Variants in PSMD14 observed in about 807,000 individuals in gnomAD.
The protein encoded by PSMD14 is ubiquitin C-terminal hydrolase PSMD14.
In PSMD14, 7 loss-of-function variants were observed where a neutral mutation model predicts 41.2. The ratio of observed to expected loss-of-function variants is 0.17; its 90% CI spans 0.10 to 0.32. The LOEUF (loss-of-function observed/expected upper bound fraction) is 0.32. Ranked by LOEUF, PSMD14 falls within the 10% of genes least tolerant of loss-of-function variation. PSMD14 has a pLI of 1.00. For missense variants in PSMD14, 139 were observed against 375.6 expected (o/e 0.37, Z 5.21); for synonymous variants, 114 against 122.3 (o/e 0.93, Z 0.45).
chr2:161,318,983 T>G, intron 3 of PSMD14, 110 bp downstream of exon 3: 6 of 783,144 alleles, frequency 7.7e-6, no homozygotes, highest in South Asian at 1.9e-5. Flanking sequence ...CAGATAACTC[T>G]ATGGTAAGAA....
At chr2:161,384,308 A>G (rs1683606922) in intron 7 of PSMD14, 1 of 151,652 alleles carries the variant, frequency 6.6e-6, no homozygotes, top group Non-Finnish European at 1.5e-5. Context: ...CATCATAGCA[A>G]TCTTTTACAA....
At chr2:161,368,363 C>G (rs766488475) in intron 5 of PSMD14, among the ~76,000 whole-genome samples, 5 of 151,940 alleles carry the variant, frequency 3.3e-5, no homozygotes, top group Non-Finnish European at 7.4e-5. Flanking sequence ...TTAAGCTTTT[C>G]TTATTTAAAA....
intron 8 of PSMD14, 49 bp downstream of exon 8, chr2:161,385,620 G>T: frequency 8.4e-7 from 1 of 1,185,460 alleles, no homozygotes. Flanking sequence ...AATTTTAAAA[G>T]CCTGCTATAA....
intron 4 of PSMD14, 114 bp from the exon 5 acceptor site, chr2:161,367,670 T>C (rs1683377623): frequency 1.5e-6 from 2 of 1,346,434 alleles, no homozygotes; most frequent in Non-Finnish European, 9.7e-7. Flanking sequence ...TTTAGGTACA[T>C]TTATAAAAGG....
intron 1 of PSMD14, among the ~76,000 whole-genome samples, chr2:161,314,417 A>G (rs965301421): frequency 2.6e-5 from 4 of 152,228 alleles, no homozygotes; most frequent in African/African-American, 9.6e-5. Context: ...AAAACTAACC[A>G]TTTTAAAGTG....
chr2:161,335,373 C>T (rs552397650), intron 3 of PSMD14, among the ~76,000 whole-genome samples: 35 of 152,152 alleles, frequency 2.3e-4, no homozygotes, highest in Non-Finnish European at 3.5e-4. Context: ...ATAGTGCTAC[C>T]GAGTCCTTGA....
chr2:161,376,072 A>T (rs1484758578), intron 7 of PSMD14, among the ~76,000 whole-genome samples: 2 of 150,038 alleles, frequency 1.3e-5, no homozygotes, highest in African/African-American at 4.9e-5. Context: ...TCTTCTTTTG[A>T]GCTTCTTATT....
intron 10 of PSMD14, among the ~76,000 whole-genome samples, chr2:161,401,984 T>A (rs529585102): frequency 3.9e-5 from 6 of 152,332 alleles, no homozygotes; most frequent in Admixed American, 1.3e-4. Context: ...TTGTGATATA[T>A]GTGAAGTATC....
At chr2:161,360,778 C>T (rs190654032) in intron 3 of PSMD14, among the ~76,000 whole-genome samples, 13 of 152,216 alleles carry the variant, frequency 8.5e-5, no homozygotes, top group African/African-American at 1.9e-4. Flanking sequence ...CCTCATGATC[C>T]GCCTGCCTTG....
chr2:161,397,263 A>C (rs1683813438), intron 10 of PSMD14, among the ~76,000 whole-genome samples: 1 of 152,208 alleles, frequency 6.6e-6, no homozygotes, highest in Non-Finnish European at 1.5e-5. Context: ...GCTTGCTACT[A>C]CCCAAACAAA....
rs192607889 is a variant in PSMD14, at chr2:161,372,975, A to G, written c.462+1653A>G. Among the ~76,000 whole-genome samples the G allele has an allele frequency of 3.8e-3, 585 of 152,024 alleles. 4 individuals carry two copies. Among genetic ancestry groups the G allele is most frequent in the Non-Finnish European group, 6.2e-3 (418 of 67,824 alleles). ...TACTTTGAAAAAGGAAAGTATAAAC[A>G]TAAACACAATGAAAGAATGCATTCT... is the stretch of plus-strand genomic sequence containing the variant. On this transcript the variant is annotated intron_variant, in intron 7 of 11. Coordinates refer to ENST00000409682, the MANE Select transcript of PSMD14 (RefSeq NM_005805.6).
intron 3 of PSMD14, among the ~76,000 whole-genome samples, chr2:161,345,768 T>A (rs1224019414): frequency 6.6e-6 from 1 of 152,170 alleles, no homozygotes; most frequent in Non-Finnish European, 1.5e-5. Flanking sequence ...CTACCACCCT[T>A]CCCAGGAATC....
At chr2:161,319,445 T>C (rs1043653246) in intron 3 of PSMD14, among the ~76,000 whole-genome samples, 2 of 152,168 alleles carry the variant, frequency 1.3e-5, no homozygotes, top group South Asian at 2.1e-4. Context: ...CCATTTGCTG[T>C]TGGGCAAATG....
Position 161,411,475 on chromosome 2 carries a change from C to A in PSMD14, c.*75C>A, listed in dbSNP as rs1684024403. 1 of 1,051,362 alleles carries A rather than the reference C, an allele frequency of 9.5e-7. No individual in the cohort carries two copies. Among genetic ancestry groups the A allele is most frequent in the Non-Finnish European group, 1.4e-6 (1 of 732,040 alleles). The allele number at this position is 1,051,362 out of a possible 1,614,324, so 65.1% of individuals were successfully genotyped here. ...GTTCCTAATGCTCAAAATCAAGGGA[C>A]CTCTGAAGGTGTACTTGGCTAAATG... On this transcript the variant is annotated 3_prime_UTR_variant, in exon 12 of 12. Coordinates refer to ENST00000409682, the MANE Select transcript of PSMD14 (RefSeq NM_005805.6).
At chr2:161,369,782 G>A (rs1683408121) in intron 5 of PSMD14, among the ~76,000 whole-genome samples, 1 of 152,020 alleles carries the variant, frequency 6.6e-6, no homozygotes, top group Admixed American at 6.6e-5. Flanking sequence ...GATGGCATTA[G>A]GAAGTATGCT....
chr2:161,388,600 T>C (rs1683665046), intron 8 of PSMD14, among the ~76,000 whole-genome samples: 1 of 152,112 alleles, frequency 6.6e-6, no homozygotes, highest in Non-Finnish European at 1.5e-5. Flanking sequence ...TTTGTTTCTT[T>C]TCAGTTATTC....
intron 1 of PSMD14, among the ~76,000 whole-genome samples, chr2:161,309,333 G>A (rs1187975869): frequency 6.6e-6 from 1 of 152,154 alleles, no homozygotes; most frequent in African/African-American, 2.4e-5. Context: ...CCTAGTGACT[G>A]AAGGAAAAAT....
chr2:161,343,723 G>T (rs537205178), intron 3 of PSMD14, among the ~76,000 whole-genome samples: 75 of 152,230 alleles, frequency 4.9e-4, no homozygotes, highest in African/African-American at 1.8e-3. Flanking sequence ...AGCTCCTCGG[G>T]AGCCTAAGGC....
intron 10 of PSMD14, chr2:161,407,949 G>C (rs186177953): frequency 6.6e-6 from 1 of 151,874 alleles, no homozygotes; most frequent in Non-Finnish European, 1.5e-5. Flanking sequence ...GATTTCTTAC[G>C]TGTGAAATTC....
Sources: allele counts gnomAD v4.1 joint callset (sites outside exome capture counted in the v4.1 genomes callset), GRCh38; gene constraint gnomAD v4.1.1; transcripts MANE v1.5; gene names NCBI Gene and HGNC (gene_info 2026-07-23, HGNC 2026-07-21).